The following MGAT5 variants were observed in gnomAD, a reference collection of about 807,000 sequenced individuals.
MGAT5 encodes alpha-1,6-mannosylglycoprotein 6-beta-N-acetylglucosaminyltransferase.
A neutral mutation model predicts 94.3 loss-of-function variants in MGAT5; 30 were observed. The observed-to-expected ratio is 0.32, with a 90% CI of 0.24 to 0.43. MGAT5 has a LOEUF of 0.43. MGAT5 is among the 20% of genes least tolerant of loss of function. The probability of loss-of-function intolerance (pLI) is 1.00; values close to 1 mark genes in which losing one functional copy is unlikely to be tolerated. For missense variants in MGAT5, 691 were observed against 905.5 expected, an observed-to-expected ratio of 0.76 and a Z score of 3.04; for synonymous variants, 310 against 322.9, an observed-to-expected ratio of 0.96 and a Z score of 0.43.
intron 1 of MGAT5, among the ~76,000 whole-genome samples, chr2:134,152,831 A>G (rs1287142202): frequency 6.6e-6 from 1 of 152,110 alleles, no homozygotes; most frequent in East Asian, 1.9e-4. Context: ...TCAGTTGCGT[A>G]AGGAAGTCCA....
At chr2:134,191,123 C>T (rs1395930072) in intron 1 of MGAT5, among the ~76,000 whole-genome samples, 1 of 152,226 alleles carries the variant, frequency 6.6e-6, no homozygotes, top group Non-Finnish European at 1.5e-5. Flanking sequence ...TATTATGTGC[C>T]TGGCACATAG....
intron 1 of MGAT5, among the ~76,000 whole-genome samples, chr2:134,199,388 GCTGTGGA>G (rs1237149460): frequency 1.3e-5 from 2 of 152,150 alleles, no homozygotes; most frequent in Non-Finnish European, 2.9e-5. Flanking sequence ...TTTGGGACCA[GCTGTGGA>G]CTGAAAGCTG....
At chr2:134,164,027 G>A (rs1446946631) in intron 1 of MGAT5, among the ~76,000 whole-genome samples, 1 of 152,162 alleles carries the variant, frequency 6.6e-6, no homozygotes, top group African/African-American at 2.4e-5. Flanking sequence ...TAGGGAACCT[G>A]CAGGTGGTAA....
chr2:134,230,927 G>A (rs532610027), intron 1 of MGAT5, among the ~76,000 whole-genome samples: 19 of 152,164 alleles, frequency 1.2e-4, no homozygotes, highest in Non-Finnish European at 2.4e-4. Flanking sequence ...AAAATGTGAT[G>A]CATCTATTCA....
intron 1 of MGAT5, among the ~76,000 whole-genome samples, chr2:134,227,366 C>T (rs1412094600): frequency 6.6e-6 from 1 of 152,190 alleles, no homozygotes; most frequent in Non-Finnish European, 1.5e-5. Flanking sequence ...CTTCTTACTA[C>T]TCTGTTTTGG....
At chr2:134,219,165 G>A (rs972544590) in intron 1 of MGAT5, among the ~76,000 whole-genome samples, 24 of 152,108 alleles carry the variant, frequency 1.6e-4, no homozygotes, top group African/African-American at 4.3e-4. Flanking sequence ...GGGGTGCAGC[G>A]GCTTCATCAA....
intron 1 of MGAT5, among the ~76,000 whole-genome samples, chr2:134,232,269 A>G (rs1177534829): frequency 6.6e-6 from 1 of 152,124 alleles, no homozygotes; most frequent in Non-Finnish European, 1.5e-5. Flanking sequence ...CTTCAAACCC[A>G]TCCTCTACAC....
At chr2:134,289,801 G>A (rs183327346) in intron 2 of MGAT5, among the ~76,000 whole-genome samples, 29 of 152,304 alleles carry the variant, frequency 1.9e-4, no homozygotes, top group Admixed American at 6.5e-4. Flanking sequence ...CACATTTGTC[G>A]TCACAGCTCG....
At chr2:134,136,858 G>A (rs1039534918) in intron 1 of MGAT5, among the ~76,000 whole-genome samples, 1 of 152,258 alleles carries the variant, frequency 6.6e-6, no homozygotes, top group Non-Finnish European at 1.5e-5. Flanking sequence ...TGTAGAGTGG[G>A]TGTGGGCTTA....
intron 4 of MGAT5, among the ~76,000 whole-genome samples, chr2:134,331,750 G>C (rs998430091): frequency 6.6e-6 from 1 of 152,082 alleles, no homozygotes; most frequent in Non-Finnish European, 1.5e-5. Flanking sequence ...ATAGACAGCT[G>C]TAGGACGCTA....
intron 4 of MGAT5, among the ~76,000 whole-genome samples, chr2:134,334,885 G>C (rs1423657787): frequency 6.6e-6 from 1 of 152,052 alleles, no homozygotes; most frequent in African/African-American, 2.4e-5. Context: ...AGCTTTCCTT[G>C]TGGGGAATCC....
At chr2:134,346,957 G>A (rs910022396) in intron 8 of MGAT5, among the ~76,000 whole-genome samples, 1 of 152,148 alleles carries the variant, frequency 6.6e-6, no homozygotes, top group Non-Finnish European at 1.5e-5. Context: ...GTGGCTGAGA[G>A]CAAAGAGAAG....
intron 9 of MGAT5, among the ~76,000 whole-genome samples, chr2:134,351,899 A>G (rs1361221406): frequency 6.6e-6 from 1 of 152,200 alleles, no homozygotes; most frequent in Non-Finnish European, 1.5e-5. Flanking sequence ...GGAAAAGGCT[A>G]TTAACAGTTT....
At chr2:134,289,280 A>G (rs1378053703) in intron 2 of MGAT5, among the ~76,000 whole-genome samples, 2 of 152,104 alleles carry the variant, frequency 1.3e-5, no homozygotes, top group African/African-American at 4.8e-5. Flanking sequence ...GAAGGCAACC[A>G]TTGCTGGGCT....
intron 2 of MGAT5, among the ~76,000 whole-genome samples, chr2:134,315,369 C>G (rs962327283): frequency 2.6e-5 from 4 of 152,146 alleles, no homozygotes; most frequent in African/African-American, 9.7e-5. Flanking sequence ...GCCAAAACCC[C>G]CCATCATGCC....
intron 8 of MGAT5, among the ~76,000 whole-genome samples, chr2:134,347,453 G>C (rs1254769022): frequency 6.6e-6 from 1 of 152,042 alleles, no homozygotes; most frequent in Non-Finnish European, 1.5e-5. Flanking sequence ...TGTTTTAATT[G>C]CCCAAATCAA....
chr2:134,138,082 G>A (rs190266885), intron 1 of MGAT5, among the ~76,000 whole-genome samples: 59 of 151,572 alleles, frequency 3.9e-4, no homozygotes, highest in African/African-American at 1.3e-3. Flanking sequence ...TCTCAAACTC[G>A]TGGGATCAAG....
chr2:134,141,781 G>A (rs979671384), intron 1 of MGAT5, among the ~76,000 whole-genome samples: 7 of 152,224 alleles, frequency 4.6e-5, no homozygotes, highest in African/African-American at 1.7e-4. Context: ...AGCATTGCTG[G>A]CAGCAGTCAG....
At chr2:134,124,406 A>G (rs1245998939) in intron 1 of MGAT5, among the ~76,000 whole-genome samples, 1 of 152,166 alleles carries the variant, frequency 6.6e-6, no homozygotes, top group African/African-American at 2.4e-5. Flanking sequence ...GAATCACTTT[A>G]TTTGTTCAAA....
Sources: allele counts gnomAD v4.1 joint callset (sites outside exome capture counted in the v4.1 genomes callset), GRCh38; gene constraint gnomAD v4.1.1; transcripts MANE v1.5; gene names NCBI Gene and HGNC (gene_info 2026-07-23, HGNC 2026-07-21).